DAPK1: variants seen among roughly 807,000 people sequenced by gnomAD.
DAPK1 encodes the protein death-associated protein kinase 1.
Under a neutral mutation model 144.9 loss-of-function variants are expected in DAPK1, and 56 were observed. The ratio of observed to expected loss-of-function variants is 0.39; its 90% CI spans 0.31 to 0.48. The LOEUF is 0.48. DAPK1 is among the 20% of genes least tolerant of loss of function. The probability of loss-of-function intolerance (pLI) is 0.95; values close to 1 mark genes in which losing one functional copy is unlikely to be tolerated. For missense variants in DAPK1, 1,454 were observed against 1,875.4 expected, an observed-to-expected ratio of 0.78 and a Z score of 4.15; for synonymous variants, 690 against 749.0, an observed-to-expected ratio of 0.92 and a Z score of 1.29.
rs140473848 is a variant in DAPK1, at chr9:87,640,463, G to T, written c.782+13G>T. The T allele has an allele frequency of 5.0e-6, 8 of 1,612,744 alleles. No individual in the cohort carries two copies. In the East Asian group the frequency reaches 1.3e-4, roughly 27 times the overall value. ...TCAAGGATCCAAAGTGAGTGTCCAC[G>T]TTCCTGAAAGGTGCTTGGCCACGGC... On this transcript the variant is annotated intron_variant, in intron 8 of 25. Transcript: ENST00000408954.
At chr9:87,668,535 G>T (rs12338700) in intron 18 of DAPK1, 62 bp from the exon 19 acceptor site, 1 of 891,828 alleles carries the variant, frequency 1.1e-6, no homozygotes. Flanking sequence ...CGGAATTGGC[G>T]TATGGAACAC....
At chr9:87,575,197 G>A (rs1564002836) in intron 2 of DAPK1, among the ~76,000 whole-genome samples, 1 of 136,674 alleles carries the variant, frequency 7.3e-6, no homozygotes, top group Non-Finnish European at 1.6e-5. Flanking sequence ...TCCAGTCTGG[G>A]CAACAGACTC....
chr9:87,657,761 C>T, intron 17 of DAPK1: 2 of 460,430 alleles, frequency 4.3e-6, no homozygotes, highest in Non-Finnish European at 8.0e-6. Flanking sequence ...GCCCTTGACT[C>T]CTGTCTCTTT....
At chr9:87,621,193 A>G (rs1413680547) in intron 3 of DAPK1, among the ~76,000 whole-genome samples, 1 of 152,094 alleles carries the variant, frequency 6.6e-6, no homozygotes, top group African/African-American at 2.4e-5. Context: ...ATTGGTCATG[A>G]CCACTTACTT....
chr9:87,619,468 C>T lies in DAPK1; in HGVS notation c.284+14293C>T, dbSNP rs148269762. Among the ~76,000 whole-genome samples, 321 of 152,286 alleles carry T rather than the reference C, an allele frequency of 2.1e-3. 2 individuals are homozygous for T. The highest frequency in any genetic ancestry group is 7.2e-3 in the African/African-American group (300 of 41,550). Reference sequence around the variant, plus strand: ...AAACAACAGTAAGGACTCTGAGGAACCGCAATGAGGAGCTTTTTCATGGCA... The same window carrying T: ...AAACAACAGTAAGGACTCTGAGGAATCGCAATGAGGAGCTTTTTCATGGCA... On this transcript the variant is annotated intron_variant, in intron 3 of 25. Transcript: ENST00000408954.
chr9:87,511,138 G>C (rs1456934112), intron 2 of DAPK1, among the ~76,000 whole-genome samples: 1 of 152,118 alleles, frequency 6.6e-6, no homozygotes, highest in Non-Finnish European at 1.5e-5. Context: ...CTTCTCCTCT[G>C]CCTGTCTCTC....
intron 2 of DAPK1, among the ~76,000 whole-genome samples, chr9:87,514,472 C>T (rs977866879): frequency 1.3e-5 from 2 of 152,332 alleles, no homozygotes; most frequent in Non-Finnish European, 2.9e-5. Context: ...CAAATAGCCA[C>T]TGCAATTCCA....
intron 15 of DAPK1, 35 bp downstream of exon 15, chr9:87,648,914 C>G: frequency 6.4e-7 from 1 of 1,559,974 alleles, no homozygotes; most frequent in Non-Finnish European, 8.8e-7. Flanking sequence ...TTCCTCTGCT[C>G]TATACATGAA....
intron 8 of DAPK1, 49 bp downstream of exon 8, chr9:87,640,499 C>T: frequency 1.9e-6 from 3 of 1,589,578 alleles, no homozygotes; most frequent in South Asian, 2.3e-5. Flanking sequence ...CTCAGCCAGC[C>T]CAGAGCCTGT....
At chr9:87,636,932 G>A (rs1829916671) in intron 3 of DAPK1, among the ~76,000 whole-genome samples, 1 of 152,158 alleles carries the variant, frequency 6.6e-6, no homozygotes. Context: ...TTGAATGCAT[G>A]CTGTGTGCCT....
chr9:87,609,522 GT>G (rs1000820616), intron 3 of DAPK1, among the ~76,000 whole-genome samples: 1 of 152,104 alleles, frequency 6.6e-6, no homozygotes, highest in African/African-American at 2.4e-5. Flanking sequence ...TGTTTTGGAG[GT>G]TATGTTTTAT....
intron 18 of DAPK1, among the ~76,000 whole-genome samples, chr9:87,663,140 C>A (rs980591220): frequency 1.3e-5 from 2 of 152,014 alleles, no homozygotes; most frequent in Non-Finnish European, 1.5e-5. Flanking sequence ...ACGTCCTGTC[C>A]CCACTTTGTC....
chr9:87,591,614 T>A (rs1398578917), intron 2 of DAPK1, among the ~76,000 whole-genome samples: 3 of 152,232 alleles, frequency 2.0e-5, no homozygotes, highest in Non-Finnish European at 2.9e-5. Flanking sequence ...TGATTAAAAA[T>A]TTTTTTAAAA....
chr9:87,696,168 G>GAC (rs3031550), intron 21 of DAPK1, among the ~76,000 whole-genome samples: 148,269 of 150,892 alleles, frequency 0.98, 72,855 homozygotes, highest in East Asian at 1. Flanking sequence ...TATGTATACA[G>GAC]ACACACACAC....
In DAPK1 at chr9:87,499,060, G is replaced by A; in HGVS notation, c.-18G>A. ...GAGCTGAAGTGCCCTGGGCTTTGGT[G>A]AGGCGTGACAGTTTATCATGACCGT... is the stretch of plus-strand genomic sequence containing the variant. On this transcript the variant is annotated 5_prime_UTR_variant, in exon 2 of 26. The change abolishes the stop of an existing upstream ORF in the 5' untranslated region. Transcript: ENST00000408954. The A allele has an allele frequency of 6.2e-7, 1 of 1,613,734 alleles. No homozygotes were observed.
intron 2 of DAPK1, among the ~76,000 whole-genome samples, chr9:87,548,753 TTGCGC>T (rs1826356229): frequency 6.6e-6 from 1 of 152,068 alleles, no homozygotes; most frequent in Non-Finnish European, 1.5e-5. Context: ...CACTGAAGAT[TTGCGC>T]TGCACTGTAC....
intron 2 of DAPK1, among the ~76,000 whole-genome samples, chr9:87,517,444 C>G (rs540485982): frequency 6.6e-5 from 10 of 152,232 alleles, no homozygotes; most frequent in African/African-American, 2.4e-4. Context: ...TTCTCTCCCC[C>G]ACCTCTCTCT....
intron 20 of DAPK1, among the ~76,000 whole-genome samples, chr9:87,682,004 C>T (rs1234626527): frequency 1.3e-5 from 2 of 152,186 alleles, no homozygotes; most frequent in Non-Finnish European, 1.5e-5. Flanking sequence ...TCAAACAGTC[C>T]AAGCATAGCA....
chr9:87,600,907 G>A (rs1030302853), intron 2 of DAPK1, among the ~76,000 whole-genome samples: 8 of 152,168 alleles, frequency 5.3e-5, no homozygotes, highest in South Asian at 2.1e-4. Context: ...ATGTGCATTC[G>A]CTTTGCTCCC....
Sources: gnomAD v4.1 joint callset for allele counts (sites outside exome capture counted in the v4.1 genomes callset) on GRCh38, gnomAD v4.1.1 for gene constraint, MANE v1.5 for transcripts, NCBI Gene and HGNC (gene_info 2026-07-23, HGNC 2026-07-21) for gene names.